Variants in LRRC74B observed in about 807,000 individuals in gnomAD.
The protein encoded by LRRC74B is leucine-rich repeat-containing protein 74B.
Under a neutral mutation model 16.6 loss-of-function variants are expected in LRRC74B, and 30 were observed. The observed-to-expected ratio is 1.80, with a 90% CI of 1.35 to 2.45. LRRC74B has a LOEUF of 2.45. Among genes scored for constraint, LRRC74B ranks in the 30% most tolerant of loss-of-function variants. The pLI is 0.00. For synonymous variants in LRRC74B, 134 were observed against 86.0 expected, an observed-to-expected ratio of 1.56 and a Z score of -3.09; for missense variants, 326 against 202.4, an observed-to-expected ratio of 1.61 and a Z score of -3.71.
intron 3 of LRRC74B, chr22:21,048,501 G>T: frequency 3.9e-6 from 1 of 255,614 alleles, no homozygotes; most frequent in Non-Finnish European, 7.7e-6. Context: ...AATACCTTAT[G>T]GGCTTGGGGC....
At chr22:21,051,315 C>T (rs1050314743) in intron 4 of LRRC74B, among the ~76,000 whole-genome samples, 4 of 152,096 alleles carry the variant, frequency 2.6e-5, no homozygotes, top group Admixed American at 2.0e-4. Flanking sequence ...GTAGGATGAC[C>T]GCTGGAGGGT....
At chr22:21,060,544 T>G (rs1459165988), downstream of LRRC74B, 2 of 694,486 alleles carry the variant, frequency 2.9e-6, no homozygotes, top group African/African-American at 3.5e-5. Flanking sequence ...GAGTGTGGCT[T>G]CCTCATCTCC....
chr22:21,048,901 G>T (rs894115107), intron 3 of LRRC74B, 50 bp from the exon 4 acceptor site: 2 of 704,044 alleles, frequency 2.8e-6, no homozygotes, highest in African/African-American at 3.5e-5. Flanking sequence ...AGAAGTAGGG[G>T]AGTGCCTGGC....
chr22:21,052,704 G>A (rs1930169996), intron 5 of LRRC74B, among the ~76,000 whole-genome samples: 1 of 152,138 alleles, frequency 6.6e-6, no homozygotes, highest in African/African-American at 2.4e-5. Flanking sequence ...TTGCACCCTT[G>A]GATGCCAGCA....
At chr22:21,046,661 C>G (rs1421632796) in intron 1 of LRRC74B, among the ~76,000 whole-genome samples, 1 of 151,934 alleles carries the variant, frequency 6.6e-6, no homozygotes, top group Non-Finnish European at 1.5e-5. Context: ...GAGCCAGGGT[C>G]TTGCTCTGTC....
chr22:21,046,086 G>T lies in LRRC74B; in HGVS notation c.100G>T (p.Gly34Cys), dbSNP rs9625412. 3.2e-3 allele frequency: 2,317 copies of T among 717,372 alleles called. 29 individuals are homozygous for T. The highest frequency in any genetic ancestry group is 0.029 in the African/African-American group (1,638 of 57,390). 44.4% of individuals were successfully genotyped at this position (717,372 alleles called of 1,614,324 possible). A position where few individuals can be genotyped will look rare whatever the true frequency, so the allele number is the denominator to read the frequency against. Reference sequence around the variant, plus strand: ...TTCAGGGGTCCCCGAGGCCGAGCAGGGTCCCGAGGCCAATTGGGACTCCGA... The same window carrying T: ...TTCAGGGGTCCCCGAGGCCGAGCAGTGTCCCGAGGCCAATTGGGACTCCGA... The change falls in exon 1 of 9, where the codon GGT (glycine) becomes TGT (cysteine). Residue 34 changes from glycine to cysteine, a missense_variant. Physicochemically the swap from Gly to Cys is radical, Grantham distance 159. Coordinates refer to ENST00000442047, the Ensembl canonical transcript of LRRC74B.
In LRRC74B at chr22:21,055,050, G is replaced by A. The variant is rs150807797; in HGVS notation, c.849-48G>A. 2.1e-5 allele frequency: 15 copies of A among 711,774 alleles called. No individual in the cohort carries two copies. In the East Asian group the frequency reaches 3.2e-4, roughly 15 times the overall value. 44.1% of individuals were successfully genotyped at this position (711,774 alleles called of 1,614,324 possible). On this transcript the variant is annotated intron_variant, in intron 6 of 8. Transcript: ENST00000442047. ...ACCCTGGGGCAGTGGGCTCTGCACCGCTGCTTGGAAGGTTGCACAATGCAT... is the reference window on the plus strand; with the variant it reads ...ACCCTGGGGCAGTGGGCTCTGCACCACTGCTTGGAAGGTTGCACAATGCAT...
chr22:21,048,356 A>G (rs968359112), intron 3 of LRRC74B: 54 of 304,450 alleles, frequency 1.8e-4, no homozygotes, highest in African/African-American at 1.2e-3. Flanking sequence ...TGGGCATTGT[A>G]AGAAGCAGGT....
downstream of LRRC74B, chr22:21,063,973 T>TCAAAACAAAA (rs147466642): frequency 1.9e-5 from 3 of 159,670 alleles, no homozygotes; most frequent in South Asian, 4.1e-4. Flanking sequence ...AGACTCTGTC[T>TCAAAACAAAA]CAAAACAAAA....
chr22:21,053,217 C>T (rs186878968), intron 5 of LRRC74B, 143 bp from the exon 6 acceptor site: 4 of 595,666 alleles, frequency 6.7e-6, no homozygotes, highest in South Asian at 2.1e-5. Context: ...ATGGCACTTT[C>T]CTGACCCTTC....
intron 7 of LRRC74B, among the ~76,000 whole-genome samples, chr22:21,055,800 C>T (rs933371452): frequency 1.3e-5 from 2 of 152,208 alleles, no homozygotes; most frequent in East Asian, 1.9e-4. Flanking sequence ...TCCTGCCTCA[C>T]AGGAACCTGG....
At chr22:21,054,196 T>C (rs1378398843) in intron 6 of LRRC74B, among the ~76,000 whole-genome samples, 1 of 152,210 alleles carries the variant, frequency 6.6e-6, no homozygotes, top group Non-Finnish European at 1.5e-5. Context: ...TCCGGTGGCA[T>C]ACACCTATCA....
In LRRC74B at chr22:21,048,048, C is replaced by T. The variant is rs748098238; in HGVS notation, c.415+32C>T. 6.1e-5 allele frequency: 44 copies of T among 716,464 alleles called. No individual in the cohort carries two copies. In the Middle Eastern group the frequency reaches 9.2e-4, roughly 15 times the overall value. The allele number at this position is 716,464 out of a possible 1,614,324, so 44.4% of individuals were successfully genotyped here. On this transcript the variant is annotated intron_variant, in intron 3 of 8. Transcript: ENST00000442047. ...GCTGGGTCTGGGGCAGGTGGGCAGGCGTGTCCTCCTTTTCCTCAGGGATGT... is the reference window on the plus strand; with the variant it reads ...GCTGGGTCTGGGGCAGGTGGGCAGGTGTGTCCTCCTTTTCCTCAGGGATGT...
intron 5 of LRRC74B, among the ~76,000 whole-genome samples, chr22:21,052,927 A>G (rs1444106070): frequency 1.3e-5 from 2 of 152,028 alleles, no homozygotes; most frequent in East Asian, 3.9e-4. Flanking sequence ...GGCATGTCAC[A>G]CTCTGTCTTG....
At chr22:21,062,398 G>A (rs1054506428), downstream of LRRC74B, 4 of 152,130 alleles carry the variant, frequency 2.6e-5, no homozygotes, top group African/African-American at 9.7e-5. Context: ...ATATCATACG[G>A]GTTGAGCCTA....
downstream of LRRC74B, among the ~76,000 whole-genome samples, chr22:21,061,478 G>A (rs1930803439): frequency 6.6e-6 from 1 of 152,210 alleles, no homozygotes; most frequent in African/African-American, 2.4e-5. Flanking sequence ...CATGATTAAT[G>A]TTCAGTGAGA....
intron 1 of LRRC74B, 43 bp downstream of exon 1, chr22:21,046,168 G>C: frequency 2.8e-6 from 2 of 712,928 alleles, no homozygotes; most frequent in Non-Finnish European, 2.6e-6. Flanking sequence ...CCCTTTGGGG[G>C]TCTTCTCCCG....
At chr22:21,063,645 C>T (rs1447722259), downstream of LRRC74B, 1 of 152,102 alleles carries the variant, frequency 6.6e-6, no homozygotes, top group Non-Finnish European at 1.5e-5. Flanking sequence ...TGCATTCCAG[C>T]CTGGGTACAC....
At chr22:21,060,142 C>T (rs895386741) in intron 8 of LRRC74B, among the ~76,000 whole-genome samples, 1 of 152,126 alleles carries the variant, frequency 6.6e-6, no homozygotes, top group Admixed American at 6.5e-5. Flanking sequence ...TGCACTCCAG[C>T]CTGGTGACAC....
Sources: allele counts gnomAD v4.1 joint callset (sites outside exome capture counted in the v4.1 genomes callset), GRCh38; gene constraint gnomAD v4.1.1; transcripts MANE v1.5; gene names NCBI Gene and HGNC (gene_info 2026-07-23, HGNC 2026-07-21).